SIPA1L1: variants seen among roughly 807,000 people sequenced by gnomAD.
The protein encoded by SIPA1L1 is signal-induced proliferation-associated 1-like protein 1.
Under a neutral mutation model 162.7 loss-of-function variants are expected in SIPA1L1, and 26 were observed. That is an observed-to-expected ratio of 0.16 (90% confidence interval 0.12 to 0.22). The LOEUF (loss-of-function observed/expected upper bound fraction) is 0.22. Ranked by LOEUF, SIPA1L1 falls within the 10% of genes least tolerant of loss-of-function variation. The probability of loss-of-function intolerance (pLI) is 1.00; values close to 1 mark genes in which losing one functional copy is unlikely to be tolerated. For synonymous variants in SIPA1L1, 829 were observed against 837.4 expected (o/e 0.99, Z 0.17); for missense variants, 1,874 against 2,241.0 (o/e 0.84, Z 3.31).
chr14:71,598,714 T>C (rs938262559), intron 5 of SIPA1L1, among the ~76,000 whole-genome samples: 30 of 152,048 alleles, frequency 2.0e-4, no homozygotes, highest in Admixed American at 5.2e-4. Context: ...ATAAGAACTT[T>C]AGTTAATGGT....
chr14:71,655,670 A>G (rs2042992934), intron 8 of SIPA1L1, among the ~76,000 whole-genome samples: 1 of 152,106 alleles, frequency 6.6e-6, no homozygotes, highest in Non-Finnish European at 1.5e-5. Context: ...ATTCTGTCTG[A>G]TATCAGATGG....
intron 4 of SIPA1L1, among the ~76,000 whole-genome samples, chr14:71,538,985 AG>A (rs1165557472): frequency 2.0e-5 from 3 of 152,234 alleles, no homozygotes; most frequent in Non-Finnish European, 4.4e-5. Flanking sequence ...GGGAGAACAC[AG>A]TGGTCTACAA....
At chr14:71,325,723 A>G (rs2033715555) in intron 2 of SIPA1L1, among the ~76,000 whole-genome samples, 1 of 152,208 alleles carries the variant, frequency 6.6e-6, no homozygotes, top group African/African-American at 2.4e-5. Context: ...GGTGTGCCAC[A>G]AAGTCAGGCG....
At position 71,590,090 on chromosome 14, in the gene SIPA1L1, C is replaced by CAT. The variant is rs1435462047; in HGVS notation, c.1498+726_1498+727dup. On this transcript the variant is annotated intron_variant, in intron 5 of 23. Transcript: ENST00000381232. Reference sequence around the variant, plus strand: ...ATATATATATATGTACACACACACACATATATACACACATATATACACACA... The same window carrying CAT: ...ATATATATATATGTACACACACACACATATATATACACACATATATACACACA... 6.6e-5 allele frequency among the ~76,000 whole-genome samples: 9 copies of CAT among 135,476 alleles called. No individual in the cohort carries two copies. In the East Asian group the frequency reaches 1.3e-3, roughly 19 times the overall value. The allele number at this position is 135,476 out of a possible 152,430, so 88.9% of individuals were successfully genotyped here.
intron 4 of SIPA1L1, among the ~76,000 whole-genome samples, chr14:71,578,237 AAGGTCTTGCTTTGTTTG>A (rs762557589): frequency 2.5e-4 from 38 of 151,768 alleles, no homozygotes; most frequent in Non-Finnish European, 4.4e-4. Context: ...TAGTAGAGAC[AAGGTCTTGCTTTGTTTG>A]AGGTCTTGCT....
At chr14:71,698,024 CTTG>C (rs1463320625) in intron 13 of SIPA1L1, among the ~76,000 whole-genome samples, 1 of 152,120 alleles carries the variant, frequency 6.6e-6, no homozygotes, top group Admixed American at 6.5e-5. Flanking sequence ...AGAGACCTGA[CTTG>C]TTGTGAACTT....
intron 5 of SIPA1L1, among the ~76,000 whole-genome samples, chr14:71,596,797 C>A (rs561974270): frequency 1.3e-5 from 2 of 152,232 alleles, no homozygotes; most frequent in East Asian, 3.9e-4. Flanking sequence ...GGGTGGTGAA[C>A]CCCTGGACTT....
chr14:71,520,119 A>G (rs1041859098), intron 3 of SIPA1L1, among the ~76,000 whole-genome samples: 2 of 152,156 alleles, frequency 1.3e-5, no homozygotes, highest in Non-Finnish European at 2.9e-5. Context: ...TGAAAAAACA[A>G]ATTTTTTTTA....
intron 4 of SIPA1L1, among the ~76,000 whole-genome samples, chr14:71,556,988 C>CAG (rs1234016485): frequency 2.0e-5 from 3 of 151,690 alleles, no homozygotes; most frequent in East Asian, 3.9e-4. Flanking sequence ...GACAGGAGGT[C>CAG]AGAGAGAGAG....
intron 3 of SIPA1L1, among the ~76,000 whole-genome samples, chr14:71,516,453 C>T (rs190556445): frequency 1.5e-3 from 233 of 152,206 alleles, no homozygotes; most frequent in Non-Finnish European, 2.6e-3. Context: ...GTGACACCAT[C>T]GTAGCTCACT....
Position 71,392,408 on chromosome 14 carries a change from C to T in SIPA1L1, c.-465+71227C>T, listed in dbSNP as rs1000786571. ...TTGCTGTTTCTTCTCCCTAAACATT[C>T]CTCTGATTTGCTGAATACATTCTTA... is the stretch of plus-strand genomic sequence containing the variant. On this transcript the variant is annotated intron_variant, in intron 2 of 23. Transcript: ENST00000381232. Among the ~76,000 whole-genome samples the T allele has an allele frequency of 3.9e-5, 6 of 152,334 alleles. No homozygotes were observed. In the East Asian group the frequency reaches 9.6e-4, roughly 24 times the overall value.
At chr14:71,422,899 C>T (rs2043293122) in intron 2 of SIPA1L1, among the ~76,000 whole-genome samples, 1 of 152,172 alleles carries the variant, frequency 6.6e-6, no homozygotes, top group African/African-American at 2.4e-5. Context: ...GATGAACTGC[C>T]ATAATCTTTT....
intron 12 of SIPA1L1, among the ~76,000 whole-genome samples, chr14:71,674,546 C>G (rs2044875781): frequency 6.7e-6 from 1 of 150,138 alleles, no homozygotes. Context: ...TAGTAGCATT[C>G]CTGTTTTTTT....
intron 4 of SIPA1L1, among the ~76,000 whole-genome samples, chr14:71,556,561 C>A (rs934409131): frequency 4.6e-5 from 7 of 152,200 alleles, no homozygotes; most frequent in Non-Finnish European, 1.0e-4. Context: ...TTTGCTGGAG[C>A]AGCTTACAGA....
chr14:71,385,467 T>G (rs898039386), intron 2 of SIPA1L1, among the ~76,000 whole-genome samples: 3 of 152,214 alleles, frequency 2.0e-5, no homozygotes, highest in Admixed American at 1.3e-4. Flanking sequence ...GACTTGGTTT[T>G]GTTCCCTAAT....
At chr14:71,622,208 A>T (rs762394186) in intron 6 of SIPA1L1, among the ~76,000 whole-genome samples, 1 of 152,220 alleles carries the variant, frequency 6.6e-6, no homozygotes, top group Non-Finnish European at 1.5e-5. Context: ...AATCTCTTTC[A>T]TTTTAGTATA....
At chr14:71,382,980 A>C (rs2040027729) in intron 2 of SIPA1L1, among the ~76,000 whole-genome samples, 1 of 152,108 alleles carries the variant, frequency 6.6e-6, no homozygotes, top group Non-Finnish European at 1.5e-5. Context: ...AGAGGGAGTG[A>C]AGGCTTCATG....
chr14:71,554,976 G>A (rs749538306), intron 4 of SIPA1L1, among the ~76,000 whole-genome samples: 2 of 151,830 alleles, frequency 1.3e-5, no homozygotes, highest in African/African-American at 2.4e-5. Flanking sequence ...CACTCTTCCA[G>A]TAGCTAATGA....
intron 10 of SIPA1L1, 35 bp from the exon 11 acceptor site, chr14:71,671,084 T>G (rs2044471729): frequency 6.7e-7 from 1 of 1,492,610 alleles, no homozygotes; most frequent in South Asian, 1.3e-5. Context: ...GACTGAGAAA[T>G]ACTGACGTGG....
Sources: gnomAD v4.1 joint callset for allele counts (sites outside exome capture counted in the v4.1 genomes callset) on GRCh38, gnomAD v4.1.1 for gene constraint, MANE v1.5 for transcripts, NCBI Gene and HGNC (gene_info 2026-07-23, HGNC 2026-07-21) for gene names.